CFAP299: variants seen among roughly 807,000 people sequenced by gnomAD.
CFAP299 encodes the protein cilia- and flagella-associated protein 299.
A neutral mutation model predicts 27.0 loss-of-function variants in CFAP299; 21 were observed. That is an observed-to-expected ratio of 0.78 (90% CI 0.55 to 1.12). The LOEUF is 1.12. CFAP299 is among the 50% of genes most tolerant of loss of function. CFAP299 has a pLI of 0.00. For missense variants in CFAP299, 310 were observed against 276.6 expected, an observed-to-expected ratio of 1.12 and a Z score of -0.86; for synonymous variants, 104 against 98.1, an observed-to-expected ratio of 1.06 and a Z score of -0.36.
At chr4:80,715,782 G>A (rs78929160) in intron 3 of CFAP299, among the ~76,000 whole-genome samples, 1 of 151,982 alleles carries the variant, frequency 6.6e-6, no homozygotes, top group African/African-American at 2.4e-5. Context: ...GGAATTTGAT[G>A]ATTTTTAAGA....
chr4:80,348,905 A>C (rs1722885971), intron 1 of CFAP299, among the ~76,000 whole-genome samples: 1 of 152,250 alleles, frequency 6.6e-6, no homozygotes, highest in Non-Finnish European at 1.5e-5. Flanking sequence ...CTACACACAC[A>C]GACAGACATG....
chr4:80,777,306 TC>T (rs1171507222), intron 3 of CFAP299, among the ~76,000 whole-genome samples: 2 of 152,078 alleles, frequency 1.3e-5, no homozygotes, highest in Admixed American at 1.3e-4. Context: ...AAGTTTTGCA[TC>T]CCCCATTCCT....
chr4:80,608,160 A>T (rs7693460), intron 3 of CFAP299, among the ~76,000 whole-genome samples: 44,631 of 151,910 alleles, frequency 0.29, 9,724 homozygotes, highest in African/African-American at 0.61. Context: ...TAGAGATATG[A>T]GCTATCTAAT....
the CFAP299 span, among the ~76,000 whole-genome samples, chr4:80,330,681 C>A: frequency 6.6e-6 from 1 of 152,168 alleles, no homozygotes; most frequent in Non-Finnish European, 1.5e-5. Context: ...CAAAATATCT[C>A]TTTATCAAAA....
intron 3 of CFAP299, among the ~76,000 whole-genome samples, chr4:80,673,229 C>T (rs1741607776): frequency 6.6e-6 from 1 of 152,144 alleles, no homozygotes; most frequent in South Asian, 2.1e-4. Context: ...TCATTGGTTT[C>T]AAATAACGTC....
chr4:80,464,084 TA>T (rs1187091902), intron 2 of CFAP299, among the ~76,000 whole-genome samples: 1 of 148,996 alleles, frequency 6.7e-6, no homozygotes, highest in African/African-American at 2.6e-5. Context: ...CTTTATTTTG[TA>T]AATTTTTTTT....
rs576384217 is a variant in CFAP299 at position 80,862,863 on chromosome 4, C to A, written c.334-7130C>A. On this transcript the variant is annotated intron_variant, in intron 3 of 5. Transcript: ENST00000358105. The stretch of plus-strand genomic sequence containing the variant: ...TATAGAATTTAAAAACAGTTATCAG[C>A]ACAAAACATTCAGAAAATAACTTGT... Among the ~76,000 whole-genome samples the A allele has an allele frequency of 1.8e-3, 278 of 152,060 alleles. 1 individual carries two copies. The highest frequency in any genetic ancestry group is 2.4e-3 in the Non-Finnish European group (162 of 68,034).
At chr4:80,961,942 G>C (rs953008526) in intron 5 of CFAP299, among the ~76,000 whole-genome samples, 1 of 151,842 alleles carries the variant, frequency 6.6e-6, no homozygotes, top group African/African-American at 2.4e-5. Context: ...GTCACCAGTA[G>C]GAAATAATAT....
chr4:80,340,572 A>G lies in CFAP299; in HGVS notation c.111+4693A>G, dbSNP rs148106782. Among the ~76,000 whole-genome samples, 946 of 152,242 alleles carry G rather than the reference A, an allele frequency of 6.2e-3. 2 individuals are homozygous for G. The highest frequency in any genetic ancestry group is 0.024 in the Middle Eastern group (7 of 294). ...CTAAGACCCACTCGCTTAGAATTCC[A>G]GTTGGCTAGTGCAGTAGACTGGAGA... On this transcript the variant is annotated intron_variant, in intron 1 of 5. Transcript: ENST00000358105.
rs1445129648 is a variant in CFAP299 at position 80,799,872 on chromosome 4, AT to A, written c.334-70119del. On this transcript the variant is annotated intron_variant, in intron 3 of 5. Coordinates refer to ENST00000358105, the MANE Select transcript of CFAP299 (RefSeq NM_152770.3). Reference sequence around the variant, plus strand: ...TAATATATAAATATATATTATATATATTATATTATATAATATATAAATTATA... The same window carrying A: ...TAATATATAAATATATATTATATATATATATTATATAATATATAAATTATA... Among the ~76,000 whole-genome samples, 25 of 31,908 alleles carry A rather than the reference AT, an allele frequency of 7.8e-4. No homozygotes were observed. In the East Asian group the frequency reaches 0.016, roughly 20 times the overall value. The allele number at this position is 31,908 out of a possible 152,430, so 20.9% of individuals were successfully genotyped here.
intron 2 of CFAP299, among the ~76,000 whole-genome samples, chr4:80,565,968 G>A (rs1412473980): frequency 6.6e-6 from 1 of 151,974 alleles, no homozygotes; most frequent in East Asian, 1.9e-4. Flanking sequence ...TTTGAAATCC[G>A]TGATGCATTT....
intron 3 of CFAP299, among the ~76,000 whole-genome samples, chr4:80,715,731 T>C (rs995632382): frequency 6.6e-6 from 1 of 152,080 alleles, no homozygotes; most frequent in Non-Finnish European, 1.5e-5. Context: ...ATTGACTATA[T>C]GAGTAAAGCA....
At chr4:80,729,854 C>T (rs899362954) in intron 3 of CFAP299, among the ~76,000 whole-genome samples, 2 of 151,980 alleles carry the variant, frequency 1.3e-5, no homozygotes, top group Non-Finnish European at 2.9e-5. Flanking sequence ...CTGCCCGCCT[C>T]GGCCTCCCAA....
At chr4:80,546,474 G>A (rs75963125) in intron 2 of CFAP299, among the ~76,000 whole-genome samples, 12 of 152,264 alleles carry the variant, frequency 7.9e-5, no homozygotes, top group African/African-American at 2.9e-4. Flanking sequence ...AAAGAAAGAA[G>A]AGATGACACA....
intron 2 of CFAP299, among the ~76,000 whole-genome samples, chr4:80,581,148 A>T (rs1560636279): frequency 6.6e-6 from 1 of 151,782 alleles, no homozygotes; most frequent in Non-Finnish European, 1.5e-5. Context: ...GGTTTTTAAA[A>T]CAGACCATAA....
At chr4:80,528,072 G>C (rs977089622) in intron 2 of CFAP299, among the ~76,000 whole-genome samples, 1 of 152,068 alleles carries the variant, frequency 6.6e-6, no homozygotes, top group African/African-American at 2.4e-5. Flanking sequence ...GCAGATCATT[G>C]ATTAAGATTA....
intron 4 of CFAP299, among the ~76,000 whole-genome samples, chr4:80,934,290 T>C (rs1030290818): frequency 6.6e-6 from 1 of 152,168 alleles, no homozygotes; most frequent in African/African-American, 2.4e-5. Flanking sequence ...GTATAATCTT[T>C]AGATATACCA....
At chr4:80,903,835 G>A (rs1302217185) in intron 4 of CFAP299, among the ~76,000 whole-genome samples, 1 of 152,036 alleles carries the variant, frequency 6.6e-6, no homozygotes, top group Non-Finnish European at 1.5e-5. Context: ...AGTCTCTCAA[G>A]AGACTTTTAT....
At chr4:80,769,984 C>T (rs1451818436) in intron 3 of CFAP299, among the ~76,000 whole-genome samples, 3 of 152,102 alleles carry the variant, frequency 2.0e-5, no homozygotes, top group African/African-American at 7.2e-5. Flanking sequence ...TTCTTAGTTC[C>T]ACCCTCTGAG....
Sources: gnomAD v4.1 joint callset for allele counts (sites outside exome capture counted in the v4.1 genomes callset) on GRCh38, gnomAD v4.1.1 for gene constraint, MANE v1.5 for transcripts, NCBI Gene and HGNC (gene_info 2026-07-23, HGNC 2026-07-21) for gene names.